The following ABHD18 variants were observed in gnomAD, a reference collection of about 807,000 sequenced individuals.
ABHD18 encodes the protein cardiolipin-specific deacylase, mitochondrial.
In ABHD18, 55 loss-of-function variants were observed where a neutral mutation model predicts 65.9. The ratio of observed to expected loss-of-function variants is 0.84; its 90% CI spans 0.67 to 1.05. The LOEUF (loss-of-function observed/expected upper bound fraction) is 1.05, where lower values mean the gene tolerates loss of function less well. Among genes scored for constraint, ABHD18 ranks in the 50% least tolerant of loss-of-function variants. ABHD18 has a pLI of 0.00. For synonymous variants in ABHD18, 181 were observed against 180.2 expected, an observed-to-expected ratio of 1.00 and a Z score of -0.04; for missense variants, 533 against 558.5, an observed-to-expected ratio of 0.95 and a Z score of 0.46.
At chr4:128,003,096 C>T (rs990478957) in intron 4 of ABHD18, among the ~76,000 whole-genome samples, 5 of 151,918 alleles carry the variant, frequency 3.3e-5, no homozygotes, top group Non-Finnish European at 5.9e-5. Context: ...AAGCCGGGCA[C>T]GGTGGCTCAC....
chr4:128,020,052 T>C, intron 8 of ABHD18, 28 bp from the exon 9 acceptor site: 1 of 1,467,432 alleles, frequency 6.8e-7, no homozygotes, highest in Non-Finnish European at 9.4e-7. Context: ...AAACTCTAAA[T>C]AGACGCTCTC....
At chr4:128,020,720 C>A (rs1756350430) in intron 9 of ABHD18, among the ~76,000 whole-genome samples, 1 of 152,092 alleles carries the variant, frequency 6.6e-6, no homozygotes, top group South Asian at 2.1e-4. Context: ...TAAGGGCCAA[C>A]CTTACAAGCA....
chr4:127,973,503 GCAGA>G (rs777239291), intron 1 of ABHD18, among the ~76,000 whole-genome samples: 28 of 152,044 alleles, frequency 1.8e-4, no homozygotes, highest in Non-Finnish European at 3.7e-4. Context: ...TCTCAGTGTA[GCAGA>G]CAGTTTCTAA....
At chr4:128,025,757 AGT>A (rs1184068440) in intron 10 of ABHD18, among the ~76,000 whole-genome samples, 1 of 152,206 alleles carries the variant, frequency 6.6e-6, no homozygotes, top group African/African-American at 2.4e-5. Flanking sequence ...TCTCAAATTC[AGT>A]GTGTTATCAA....
At chr4:128,032,175 A>G (rs1219970887) in intron 12 of ABHD18, among the ~76,000 whole-genome samples, 3 of 152,202 alleles carry the variant, frequency 2.0e-5, no homozygotes, top group Non-Finnish European at 4.4e-5. Context: ...GTTAACTATT[A>G]TCATGTGCCA....
intron 1 of ABHD18, among the ~76,000 whole-genome samples, chr4:127,973,831 A>G (rs1425535524): frequency 1.3e-5 from 2 of 150,934 alleles, no homozygotes; most frequent in Admixed American, 6.6e-5. Flanking sequence ...AAAAAAAAAA[A>G]AAAAAAAAAA....
intron 4 of ABHD18, among the ~76,000 whole-genome samples, chr4:127,997,860 T>C (rs1751996417): frequency 6.6e-6 from 1 of 152,034 alleles, no homozygotes; most frequent in Non-Finnish European, 1.5e-5. Context: ...CCTTCACCTT[T>C]TTCCTCTCCT....
intron 8 of ABHD18, 139 bp downstream of exon 8, chr4:128,017,640 T>A: frequency 2.9e-6 from 2 of 690,426 alleles, no homozygotes; most frequent in Non-Finnish European, 4.6e-6. Flanking sequence ...TCCAAACTCT[T>A]ACTCCAATTA....
At chr4:127,999,014 G>T (rs2149106899) in intron 4 of ABHD18, among the ~76,000 whole-genome samples, 1 of 151,988 alleles carries the variant, frequency 6.6e-6, no homozygotes, top group East Asian at 1.9e-4. Flanking sequence ...GATTACTCAA[G>T]ATGAAGGAGT....
intron 4 of ABHD18, among the ~76,000 whole-genome samples, chr4:128,007,512 C>T (rs989046163): frequency 1.3e-5 from 2 of 151,532 alleles, no homozygotes; most frequent in Admixed American, 6.6e-5. Flanking sequence ...GAGGCTAAGG[C>T]GGGAGGATCA....
chr4:128,008,692 A>G (rs1056819992), intron 4 of ABHD18, among the ~76,000 whole-genome samples: 1 of 152,200 alleles, frequency 6.6e-6, no homozygotes, highest in Non-Finnish European at 1.5e-5. Context: ...GGGACAATAA[A>G]TTCTGTTTGT....
intron 7 of ABHD18, among the ~76,000 whole-genome samples, chr4:128,013,084 AAAG>A (rs1754854689): frequency 6.6e-6 from 1 of 151,306 alleles, no homozygotes; most frequent in African/African-American, 2.4e-5. Context: ...AAAAAAAAAA[AAAG>A]ACAAGGACCA....
chr4:128,008,225 G>GCCCT (rs1238256412), intron 4 of ABHD18, among the ~76,000 whole-genome samples: 1 of 143,244 alleles, frequency 7.0e-6, no homozygotes, highest in Admixed American at 7.0e-5. Context: ...TCATGCCACC[G>GCCCT]CCCTCTAGCC....
intron 10 of ABHD18, among the ~76,000 whole-genome samples, 168 bp from the exon 11 acceptor site, chr4:128,028,302 GTCAGA>G (rs1757670218): frequency 1.3e-5 from 2 of 151,588 alleles, no homozygotes; most frequent in African/African-American, 4.9e-5. Flanking sequence ...TGTGGCATGT[GTCAGA>G]ATTTCATTCC....
rs373013839 is a variant in ABHD18 at position 128,028,686 on chromosome 4, A to C, written c.1013A>C (p.Lys338Thr). The change falls in exon 11 of 13, where the codon AAG becomes ACG. Residue 338 changes from lysine (K) to threonine (T), a missense_variant. Lys to Thr is a moderately conservative substitution (Grantham distance 78). Transcript: ENST00000645843. ...GLLLQDTSKM[K>T]RFNQTLSTNK... ...TTATTGCAAGATACCTCTAAGATGA[A>C]GCGCTTCAATCAAACACTTTCAACC... 1.9e-6 allele frequency: 3 copies of C among 1,613,932 alleles called. No individual in the cohort carries two copies. The highest frequency in any genetic ancestry group is 2.5e-6 in the Non-Finnish European group (3 of 1,179,884).
At chr4:127,977,017 GGCGACAGA>G (rs1748057803) in intron 1 of ABHD18, among the ~76,000 whole-genome samples, 2 of 151,878 alleles carry the variant, frequency 1.3e-5, no homozygotes, top group South Asian at 4.2e-4. Flanking sequence ...CTCCAGCCTG[GGCGACAGA>G]GCGACACTCC....
intron 12 of ABHD18, among the ~76,000 whole-genome samples, chr4:128,033,486 T>G (rs1164831303): frequency 6.6e-6 from 1 of 150,582 alleles, no homozygotes; most frequent in African/African-American, 2.4e-5. Context: ...ATATTGGAAA[T>G]AATAATCTAT....
In ABHD18 at chr4:128,030,601, G is replaced by T. The variant is rs934901153; in HGVS notation, c.1272G>T (p.Trp424Cys). The change falls in exon 12 of 13, where the codon TGG (tryptophan) becomes TGT (cysteine). Residue 424 changes from tryptophan (W) to cysteine (C), a missense_variant. Trp to Cys is a radical substitution (Grantham distance 215, BLOSUM62 -2). Around this residue, in one of 3 missense-constraint regions of ABHD18, gnomAD observed 220 missense variants for 226.8 expected, o/e 0.97. Coordinates refer to ENST00000645843, the MANE Select transcript of ABHD18 (RefSeq NM_001358451.3). ...GAGTTCGAAGTTTACAAGAAATTTG[G>T]CCTGGTTGTGAAATCCGATACTTAG... ...RTGVRSLQEI[W>C]PGCEIRYLEG... 8.7e-6 allele frequency: 14 copies of T among 1,607,672 alleles called. No homozygotes were observed. Among genetic ancestry groups the T allele is most frequent in the Non-Finnish European group, 1.1e-5 (13 of 1,178,858 alleles).
Position 128,020,057 on chromosome 4 carries a change from GCTCT to G in ABHD18, c.610-20_610-17del, listed in dbSNP as rs746749687. ...TAATGAATAGAAACTCTAAATAGACGCTCTCTATCTGTTATATTACAGATGGCTT... is the reference window on the plus strand; with the variant it reads ...TAATGAATAGAAACTCTAAATAGACGCTATCTGTTATATTACAGATGGCTT... On this transcript the variant is annotated intron_variant, in intron 8 of 12. Coordinates refer to ENST00000645843, the MANE Select transcript of ABHD18 (RefSeq NM_001358451.3). The G allele has an allele frequency of 2.7e-6, 4 of 1,492,682 alleles. No homozygotes were observed. Among genetic ancestry groups the G allele is most frequent in the South Asian group, 1.2e-5 (1 of 82,042 alleles). The allele number at this position is 1,492,682 out of a possible 1,614,324, so 92.5% of individuals were successfully genotyped here.
Sources: gnomAD v4.1 joint callset for allele counts (sites outside exome capture counted in the v4.1 genomes callset) on GRCh38, gnomAD v4.1.1 for gene constraint, gnomAD v4.1.1 regional missense constraint, MANE v1.5 for transcripts, NCBI Gene and HGNC (gene_info 2026-07-23, HGNC 2026-07-21) for gene names.